SDK2: variants seen among roughly 807,000 people sequenced by gnomAD.
SDK2 encodes the protein protein sidekick-2.
In SDK2, 105 loss-of-function variants were observed where a neutral mutation model predicts 253.9. The ratio of observed to expected loss-of-function variants is 0.41; its 90% CI spans 0.35 to 0.49. The LOEUF (loss-of-function observed/expected upper bound fraction) is 0.49. SDK2 is among the 20% of genes least tolerant of loss of function. The pLI is 0.06. For synonymous variants in SDK2, 1,249 were observed against 1,234.9 expected, an observed-to-expected ratio of 1.01 and a Z score of -0.24; for missense variants, 2,608 against 3,003.0, an observed-to-expected ratio of 0.87 and a Z score of 3.07.
intron 2 of SDK2, among the ~76,000 whole-genome samples, chr17:73,498,952 G>A (rs940499613): frequency 4.6e-5 from 7 of 152,152 alleles, no homozygotes; most frequent in African/African-American, 1.4e-4. Context: ...GTAGGTTGCC[G>A]AACCTCTCTG....
intron 1 of SDK2, among the ~76,000 whole-genome samples, chr17:73,508,746 C>A (rs1031660654): frequency 1.3e-5 from 2 of 152,266 alleles, no homozygotes; most frequent in African/African-American, 4.8e-5. Context: ...GGTGCTCAGC[C>A]CCACAGACAG....
At position 73,358,686 on chromosome 17, in the gene SDK2, G is replaced by A. The variant is rs1220431730; in HGVS notation, c.5468-482C>T. 2.6e-5 allele frequency among the ~76,000 whole-genome samples: 4 copies of A among 152,208 alleles called. No individual in the cohort carries two copies. In the South Asian group the frequency reaches 6.2e-4, roughly 24 times the overall value. On this transcript the variant is annotated intron_variant, in intron 39 of 44. Coordinates refer to ENST00000392650, the MANE Select transcript of SDK2 (RefSeq NM_001144952.2). ...GGGGGTTGGTCGGAGCGGGGCTGAA[G>A]AGTCCAGTTTCTCCCTCCTGGTAGG...
chr17:73,483,479 TTGTGTGTGTGTGTGTG>T (rs146198916), intron 2 of SDK2, among the ~76,000 whole-genome samples: 28 of 127,674 alleles, frequency 2.2e-4, no homozygotes, highest in Non-Finnish European at 2.2e-4. Flanking sequence ...TGGCTAATCT[TTGTGTGTGTGTGTGTG>T]TGTGTGTGTG....
At position 73,401,062 on chromosome 17, in the gene SDK2, C is replaced by T. The variant is rs370497188; in HGVS notation, c.2929G>A (p.Gly977Ser). 1 of 1,577,646 alleles carries T rather than the reference C, an allele frequency of 6.3e-7. No individual in the cohort carries two copies. The highest frequency in any genetic ancestry group is 8.6e-7 in the Non-Finnish European group (1 of 1,161,694). ...GAGATGGTGGAGGCGGACACTTGGC[C>T]CTGGCCCTTTGAGGTCATGGCGGCC... ...EVAAMTSKGQ[G>S]QVSASTISSG... The change falls in exon 21 of 45, where the codon GGC (glycine) becomes AGC (serine). Residue 977 changes from glycine to serine, a missense_variant. Transcript: ENST00000392650.
chr17:73,429,540 G>A (rs1321784481), intron 12 of SDK2, among the ~76,000 whole-genome samples: 1 of 152,210 alleles, frequency 6.6e-6, no homozygotes, highest in Non-Finnish European at 1.5e-5. Context: ...TGTACAGACT[G>A]TCATAGGTCC....
intron 5 of SDK2, among the ~76,000 whole-genome samples, chr17:73,445,114 G>A (rs943850440): frequency 2.0e-4 from 30 of 152,060 alleles, no homozygotes; most frequent in African/African-American, 6.0e-4. Context: ...CACGTATTTC[G>A]GGTGAAAATT....
At chr17:73,586,164 CA>C (rs1567857480) in intron 1 of SDK2, among the ~76,000 whole-genome samples, 1 of 152,184 alleles carries the variant, frequency 6.6e-6, no homozygotes, top group Non-Finnish European at 1.5e-5. Context: ...ATATAGCAAG[CA>C]CTGGATAAGG....
intron 3 of SDK2, among the ~76,000 whole-genome samples, chr17:73,459,188 G>C (rs1423789326): frequency 6.6e-6 from 1 of 152,126 alleles, no homozygotes; most frequent in East Asian, 1.9e-4. Flanking sequence ...GGTTCCTCCA[G>C]CCTTGCCAAT....
chr17:73,574,069 CCTCA>C (rs896815134), intron 1 of SDK2, among the ~76,000 whole-genome samples: 1 of 152,198 alleles, frequency 6.6e-6, no homozygotes, highest in African/African-American at 2.4e-5. Context: ...CTATGCGCTT[CCTCA>C]CTGTCTGCCT....
intron 38 of SDK2, among the ~76,000 whole-genome samples, chr17:73,363,489 A>T (rs1472070545): frequency 6.6e-6 from 1 of 152,192 alleles, no homozygotes; most frequent in Non-Finnish European, 1.5e-5. Flanking sequence ...AATTCTGAAC[A>T]AAGCCCTCAT....
chr17:73,640,744 A>G (rs2046388488), intron 1 of SDK2, among the ~76,000 whole-genome samples: 2 of 152,198 alleles, frequency 1.3e-5, no homozygotes, highest in African/African-American at 4.8e-5. Flanking sequence ...AGGAGCCTCT[A>G]GAGCTGGGGG....
In SDK2 at chr17:73,433,841, G is replaced by T; in HGVS notation, c.1203C>A (p.Ala401=). The change falls in exon 10 of 45, where the codon GCC becomes GCA. Residue 401 remains alanine, a synonymous_variant. Transcript: ENST00000392650. ...CCAGGGGGCCTCTGGTGATGTTAGG[G>T]GCGATGCCTGCAAACAGAGAAGTGG... ...TSTYLAVTSI[A]PNITRGPLDS... is the part of the protein sequence containing the mutation. 1 of 1,545,304 alleles carries T rather than the reference G, an allele frequency of 6.5e-7. No individual in the cohort carries two copies. The highest frequency in any genetic ancestry group is 8.7e-7 in the Non-Finnish European group (1 of 1,146,532).
rs766970530 is a variant in SDK2 at position 73,368,391 on chromosome 17, G to A, written c.5167+16C>T. 6.7e-7 allele frequency: 1 copy of A among 1,494,912 alleles called. No individual in the cohort carries two copies. The highest frequency in any genetic ancestry group is 8.9e-7 in the Non-Finnish European group (1 of 1,118,322). The allele number at this position is 1,494,912 out of a possible 1,614,324, so 92.6% of individuals were successfully genotyped here. A position where few individuals can be genotyped will look rare whatever the true frequency, so the allele number is the denominator to read the frequency against. On this transcript the variant is annotated intron_variant, in intron 37 of 44. Coordinates refer to ENST00000392650, the MANE Select transcript of SDK2 (RefSeq NM_001144952.2). ...GGCCGACCTACCCCTCCCCTCCTCA[G>A]GGCCCCCTCTCCCACCTGCTTGCTG...
chr17:73,462,699 G>C (rs915518968), intron 3 of SDK2, among the ~76,000 whole-genome samples: 1 of 152,092 alleles, frequency 6.6e-6, no homozygotes, highest in Non-Finnish European at 1.5e-5. Context: ...ATGCATACAC[G>C]TAAGTTTATA....
intron 1 of SDK2, among the ~76,000 whole-genome samples, chr17:73,531,715 G>T (rs978730808): frequency 6.6e-6 from 1 of 152,144 alleles, no homozygotes; most frequent in Non-Finnish European, 1.5e-5. Context: ...TTGCATACAG[G>T]ATAAAATACT....
In SDK2 at chr17:73,361,724, C is replaced by T; in HGVS notation, c.5427G>A (p.Gly1809=). Residue 1809 remains glycine (G), a synonymous_variant, in exon 39 of 45, where the codon GGG becomes GGA. Transcript: ENST00000392650. This position sits in a 1 kb window ranked among gnomAD's most constrained non-coding sequence, Gnocchi z 4.1. ...FRIRAKTFTY[G]PEIEANVTTG... is the part of the protein sequence containing the mutation. ...TGGTGACGTTGGCTTCGATCTCCGG[C>T]CCGTAGGTGAAGGTCTTGGCTCTGA... The T allele has an allele frequency of 6.2e-7, 1 of 1,612,836 alleles. No individual in the cohort carries two copies. Among genetic ancestry groups the T allele is most frequent in the Non-Finnish European group, 8.5e-7 (1 of 1,178,950 alleles).
rs968120433 is a variant in SDK2 at position 73,334,394 on chromosome 17, A to T, written c.*4193T>A. 1.3e-5 allele frequency: 2 copies of T among 152,214 alleles called. No individual in the cohort carries two copies. Among genetic ancestry groups the T allele is most frequent in the African/African-American group, 4.8e-5 (2 of 41,444 alleles). The allele number at this position is 152,214 out of a possible 1,614,324, so 9.4% of individuals were successfully genotyped here. A position where few individuals can be genotyped will look rare whatever the true frequency, so the allele number is the denominator to read the frequency against. On this transcript the variant is annotated 3_prime_UTR_variant, in exon 45 of 45. Coordinates refer to ENST00000392650, the MANE Select transcript of SDK2 (RefSeq NM_001144952.2). ...ATGTTGCTTCAAATCTCCAAAAAAA[A>T]AAGTTTATTTATAAAATACTGACAG...
In SDK2 at chr17:73,422,293, G is replaced by A. The variant is rs764295267; in HGVS notation, c.2039C>T (p.Thr680Ile). ...AGAGCGCCAGTGCCCTCACCTCTCG[G>A]TGTCTTTGCTGAACTGTCCTTTCCC... ...DVGKGQFSKD[T>I]ERVSLPEEPP... Residue 680 changes from threonine to isoleucine, a missense_variant, in exon 15 of 45, where the codon ACC becomes ATC. Coordinates refer to ENST00000392650, the MANE Select transcript of SDK2 (RefSeq NM_001144952.2). 1.9e-6 allele frequency: 3 copies of A among 1,613,830 alleles called. No homozygotes were observed. Among genetic ancestry groups the A allele is most frequent in the Non-Finnish European group, 8.5e-7 (1 of 1,179,868 alleles).
intron 2 of SDK2, among the ~76,000 whole-genome samples, chr17:73,484,740 C>T (rs1475836631): frequency 1.3e-5 from 2 of 152,238 alleles, no homozygotes; most frequent in Admixed American, 6.5e-5. Flanking sequence ...CCCAGGTGTT[C>T]CTTGGCTTGC....
Sources: allele counts gnomAD v4.1 joint callset (sites outside exome capture counted in the v4.1 genomes callset), GRCh38; gene constraint gnomAD v4.1.1; non-coding constraint Gnocchi (gnomAD v3.1); transcripts MANE v1.5; gene names NCBI Gene and HGNC (gene_info 2026-07-23, HGNC 2026-07-21).